Variants in SPAG16 observed in about 807,000 individuals in gnomAD.
SPAG16 encodes sperm associated antigen 16, also known as sperm-associated antigen 16 protein.
SPAG16 carries 86 observed loss-of-function variants against 80.4 expected under a neutral mutation model. That is an observed-to-expected ratio of 1.07 (90% confidence interval 0.90 to 1.28). SPAG16 has a LOEUF of 1.28. SPAG16 is among the 50% of genes most tolerant of loss of function. The pLI, the probability that SPAG16 is intolerant of heterozygous loss-of-function variation, is 0.00. For missense variants in SPAG16, 870 were observed against 765.3 expected (o/e 1.14, Z -1.61); for synonymous variants, 294 against 265.9 (o/e 1.11, Z -1.03).
At chr2:213,896,590 ACGC>A (rs1377637715) in intron 11 of SPAG16, among the ~76,000 whole-genome samples, 6,604 of 89,398 alleles carry the variant, frequency 0.074, 250 homozygotes, top group South Asian at 0.13. Context: ...ACACACACAC[ACGC>A]ACACACACAC....
intron 9 of SPAG16, among the ~76,000 whole-genome samples, chr2:213,453,181 C>T (rs2071804032): frequency 1.3e-5 from 2 of 152,168 alleles, no homozygotes; most frequent in African/African-American, 4.8e-5. Flanking sequence ...CAATATCATT[C>T]TTGATCAATA....
chr2:213,426,832 T>TACACACACAC (rs1201370364), intron 9 of SPAG16, among the ~76,000 whole-genome samples: 1 of 65,266 alleles, frequency 1.5e-5, no homozygotes. Flanking sequence ...ATTATTCTGA[T>TACACACACAC]ACATACACAC....
chr2:214,256,819 G>A (rs1370690905), intron 15 of SPAG16, among the ~76,000 whole-genome samples: 1 of 148,352 alleles, frequency 6.7e-6, no homozygotes, highest in African/African-American at 2.5e-5. Flanking sequence ...CCTTAATGTA[G>A]CATTATAATA....
chr2:213,375,536 C>A (rs2066844010), intron 9 of SPAG16, among the ~76,000 whole-genome samples: 1 of 152,032 alleles, frequency 6.6e-6, no homozygotes, highest in African/African-American at 2.4e-5. Context: ...TTAACAATCT[C>A]TTTATATCTT....
At chr2:213,972,475 G>C (rs2045123579) in intron 12 of SPAG16, among the ~76,000 whole-genome samples, 1 of 152,124 alleles carries the variant, frequency 6.6e-6, no homozygotes, top group African/African-American at 2.4e-5. Flanking sequence ...GCAGGAGAAG[G>C]TGGATGTCCC....
At chr2:214,340,392 A>G (rs926405715) in intron 15 of SPAG16, among the ~76,000 whole-genome samples, 3 of 152,212 alleles carry the variant, frequency 2.0e-5, no homozygotes, top group Non-Finnish European at 4.4e-5. Flanking sequence ...AGGGTTGCCA[A>G]TTTCTTTTTA....
At chr2:213,812,799 T>G (rs529396328) in intron 10 of SPAG16, among the ~76,000 whole-genome samples, 2 of 152,194 alleles carry the variant, frequency 1.3e-5, no homozygotes, top group Admixed American at 6.5e-5. Context: ...TCTAGGAAAC[T>G]GGGACGAGTA....
At chr2:213,335,539 T>C (rs1001381111) in intron 5 of SPAG16, among the ~76,000 whole-genome samples, 1 of 151,998 alleles carries the variant, frequency 6.6e-6, no homozygotes, top group Non-Finnish European at 1.5e-5. Flanking sequence ...TATCAGTATC[T>C]ATATTATTTC....
intron 12 of SPAG16, among the ~76,000 whole-genome samples, chr2:213,959,632 A>G (rs2044313606): frequency 6.6e-6 from 1 of 152,212 alleles, no homozygotes; most frequent in Admixed American, 6.5e-5. Context: ...TACTGAAGGC[A>G]TAATTACACA....
intron 9 of SPAG16, among the ~76,000 whole-genome samples, chr2:213,432,414 A>G (rs1219883283): frequency 2.0e-5 from 3 of 152,170 alleles, no homozygotes; most frequent in African/African-American, 7.2e-5. Flanking sequence ...AGACATTACA[A>G]CTGTTACCAC....
chr2:213,717,186 C>A (rs373749440), intron 10 of SPAG16, among the ~76,000 whole-genome samples: 1 of 145,258 alleles, frequency 6.9e-6, no homozygotes, highest in Non-Finnish European at 1.5e-5. Flanking sequence ...GACGGAATCT[C>A]GTCTGTCGCC....
rs1287900281 is a variant in SPAG16 at position 213,806,350 on chromosome 2, TTTACAG to T, written c.1071-56131_1071-56126del. ...GAAGTAGCCATTACTTAGGTAAATG[TTTACAG>T]TTAAAGTGCTTTAATATGTTTTACA... On this transcript the variant is annotated intron_variant, in intron 10 of 15. Coordinates refer to ENST00000331683, the MANE Select transcript of SPAG16 (RefSeq NM_024532.5). 3.3e-5 allele frequency among the ~76,000 whole-genome samples: 5 copies of T among 152,272 alleles called. No individual in the cohort carries two copies. In the East Asian group the frequency reaches 9.6e-4, roughly 29 times the overall value.
intron 10 of SPAG16, among the ~76,000 whole-genome samples, chr2:213,505,693 T>C (rs1048412893): frequency 1.3e-5 from 2 of 152,096 alleles, no homozygotes; most frequent in Non-Finnish European, 2.9e-5. Flanking sequence ...AATAGAGTAA[T>C]GCATGCTCCC....
At chr2:214,097,687 A>T (rs2052693812) in intron 13 of SPAG16, among the ~76,000 whole-genome samples, 1 of 151,904 alleles carries the variant, frequency 6.6e-6, no homozygotes, top group African/African-American at 2.4e-5. Context: ...GTGTGTGTGC[A>T]TTAGTTTAAA....
At chr2:213,899,031 A>G (rs559089635) in intron 11 of SPAG16, among the ~76,000 whole-genome samples, 2 of 152,284 alleles carry the variant, frequency 1.3e-5, no homozygotes, top group South Asian at 2.1e-4. Flanking sequence ...GTGTGAAAAT[A>G]CATATGATCA....
At chr2:214,227,192 G>A (rs1351996373) in intron 15 of SPAG16, among the ~76,000 whole-genome samples, 1 of 151,774 alleles carries the variant, frequency 6.6e-6, no homozygotes, top group Non-Finnish European at 1.5e-5. Context: ...ATTAATTTGT[G>A]GTCAAATAAT....
In SPAG16 at chr2:213,632,784, G is replaced by A. The variant is rs554273051; in HGVS notation, c.1070+142694G>A. On this transcript the variant is annotated intron_variant, in intron 10 of 15. Coordinates refer to ENST00000331683, the MANE Select transcript of SPAG16 (RefSeq NM_024532.5). ...TGATGTATTACATTGATTGATTGGCGTAAGTTAAACCATCCTTGCATTCTA... is the reference window on the plus strand; with the variant it reads ...TGATGTATTACATTGATTGATTGGCATAAGTTAAACCATCCTTGCATTCTA... 1.9e-4 allele frequency among the ~76,000 whole-genome samples: 29 copies of A among 152,198 alleles called. No homozygotes were observed. In the South Asian group the frequency reaches 2.3e-3, roughly 12 times the overall value.
At chr2:213,904,846 C>T (rs575909569) in intron 11 of SPAG16, among the ~76,000 whole-genome samples, 31 of 152,008 alleles carry the variant, frequency 2.0e-4, no homozygotes, top group African/African-American at 5.8e-4. Flanking sequence ...AGTGGTAACT[C>T]GGTGGGTGGT....
chr2:213,436,920 T>C (rs936356137), intron 9 of SPAG16, among the ~76,000 whole-genome samples: 2 of 152,132 alleles, frequency 1.3e-5, no homozygotes, highest in Non-Finnish European at 2.9e-5. Context: ...ACTCTTTTTT[T>C]TTTTTCTTTG....
Sources: allele counts gnomAD v4.1 joint callset (sites outside exome capture counted in the v4.1 genomes callset), GRCh38; gene constraint gnomAD v4.1.1; transcripts MANE v1.5; gene names NCBI Gene and HGNC (gene_info 2026-07-23, HGNC 2026-07-21).